PARN: variants seen among roughly 807,000 people sequenced by gnomAD.
PARN encodes the protein poly(A)-specific ribonuclease, also known as poly(A)-specific ribonuclease PARN.
A neutral mutation model predicts 102.8 loss-of-function variants in PARN; 71 were observed. The ratio of observed to expected loss-of-function variants is 0.69; its 90% confidence interval spans 0.57 to 0.84. PARN has a LOEUF of 0.84. Among genes scored for constraint, PARN ranks in the 40% least tolerant of loss-of-function variants. The pLI is 0.00. For synonymous variants in PARN, 261 were observed against 252.9 expected (o/e 1.03, Z -0.30); for missense variants, 782 against 760.9 (o/e 1.03, Z -0.33).
intron 21 of PARN, among the ~76,000 whole-genome samples, chr16:14,540,524 T>C (rs1465779813): frequency 6.6e-6 from 1 of 152,210 alleles, no homozygotes. Context: ...CTTGAGTCAC[T>C]TTTAATCAGT....
chr16:14,486,108 A>G (rs916966608), intron 21 of PARN, among the ~76,000 whole-genome samples: 8 of 151,800 alleles, frequency 5.3e-5, no homozygotes, highest in African/African-American at 1.9e-4. Flanking sequence ...CAGTCCCAGC[A>G]CTCTGGGAGG....
At position 14,580,920 on chromosome 16, in the gene PARN, T is replaced by G. The variant is rs1205344643; in HGVS notation, c.1216A>C (p.Ile406Leu). Residue 406 changes from isoleucine (I) to leucine (L), a missense_variant, in exon 18 of 24, where the codon ATT becomes CTT. Ile to Leu is a conservative substitution (Grantham distance 5). Transcript: ENST00000437198. ...YLGSFLSPPK[I>L]HVSARSKLIE... ...AGTTTTGATCTGGCAGACACATGAATTTTTGGAGGGCTGAGAAAAGAACCT... is the reference window on the plus strand; with the variant it reads ...AGTTTTGATCTGGCAGACACATGAAGTTTTGGAGGGCTGAGAAAAGAACCT... 3 of 1,608,634 alleles carry G rather than the reference T, an allele frequency of 1.9e-6. No homozygotes were observed. Among genetic ancestry groups the G allele is most frequent in the Admixed American group, 3.3e-5 (2 of 60,012 alleles).
intron 21 of PARN, among the ~76,000 whole-genome samples, chr16:14,490,808 GT>G (rs1964017253): frequency 6.6e-6 from 1 of 152,082 alleles, no homozygotes; most frequent in Non-Finnish European, 1.5e-5. Flanking sequence ...ATTCCATAAA[GT>G]TTGATCAAGT....
At chr16:14,454,133 A>G (rs1166847962) in intron 22 of PARN, among the ~76,000 whole-genome samples, 1 of 152,204 alleles carries the variant, frequency 6.6e-6, no homozygotes, top group African/African-American at 2.4e-5. Flanking sequence ...AGTACATATG[A>G]TCATGATACA....
intron 11 of PARN, among the ~76,000 whole-genome samples, chr16:14,600,297 G>T (rs867079455): frequency 6.6e-6 from 1 of 152,188 alleles, no homozygotes; most frequent in Non-Finnish European, 1.5e-5. Context: ...GTTGCCACCT[G>T]CAGGCTAAAC....
At chr16:14,477,895 T>C (rs1237707039) in intron 22 of PARN, among the ~76,000 whole-genome samples, 2 of 152,138 alleles carry the variant, frequency 1.3e-5, no homozygotes, top group Non-Finnish European at 2.9e-5. Flanking sequence ...GCAAAAAATA[T>C]TTAACACAAT....
intron 22 of PARN, among the ~76,000 whole-genome samples, chr16:14,452,873 A>G (rs1961523546): frequency 6.6e-6 from 1 of 152,240 alleles, no homozygotes; most frequent in African/African-American, 2.4e-5. Flanking sequence ...GTTTTAAATA[A>G]AAGTTTTAAT....
chr16:14,547,085 C>A (rs1318889810), intron 21 of PARN, among the ~76,000 whole-genome samples: 18 of 149,742 alleles, frequency 1.2e-4, no homozygotes, highest in Non-Finnish European at 1.9e-4. Flanking sequence ...AGAGAGAGAC[C>A]CTGTCTCAAA....
Position 14,609,081 on chromosome 16 carries a change from G to A in PARN, c.597C>T (p.Asn199=), listed in dbSNP as rs748131771. ...EDLLQSEENK[N]LDLEPCTGFQ... ...ACCCGGTACATGGCTCTAAATCCAA[G>A]TTCTTGTTTTCTTCACTTTGTAATA... The change falls in exon 8 of 24, where the codon AAC becomes AAT. Residue 199 remains asparagine (N), a synonymous_variant. Transcript: ENST00000437198. 1.3e-6 allele frequency: 2 copies of A among 1,579,068 alleles called. No individual in the cohort carries two copies. The highest frequency in any genetic ancestry group is 1.7e-6 in the Non-Finnish European group (2 of 1,153,622).
intron 21 of PARN, chr16:14,501,435 C>CCAAAAAA (rs1964593234): frequency 3.6e-5 from 1 of 27,592 alleles, no homozygotes; most frequent in Non-Finnish European, 8.2e-5. Context: ...CAAGACTGTC[C>CCAAAAAA]AAAAAAAAAA....
At chr16:14,573,756 G>A (rs1239063542) in intron 18 of PARN, among the ~76,000 whole-genome samples, 2 of 152,154 alleles carry the variant, frequency 1.3e-5, no homozygotes, top group Non-Finnish European at 2.9e-5. Context: ...TTTTAAAAAC[G>A]GGAGGTTCCC....
intron 18 of PARN, among the ~76,000 whole-genome samples, chr16:14,574,649 G>A (rs925725830): frequency 1.3e-5 from 2 of 152,116 alleles, no homozygotes; most frequent in Non-Finnish European, 2.9e-5. Flanking sequence ...TGAGGCAGAG[G>A]TTGCAGTGAG....
chr16:14,455,038 C>T (rs1430471991), intron 22 of PARN, among the ~76,000 whole-genome samples: 1 of 152,176 alleles, frequency 6.6e-6, no homozygotes, highest in Non-Finnish European at 1.5e-5. Context: ...AACACAGTAG[C>T]ACCAAATGAA....
At chr16:14,476,641 G>A (rs1293867807) in intron 22 of PARN, among the ~76,000 whole-genome samples, 1 of 152,070 alleles carries the variant, frequency 6.6e-6, no homozygotes, top group Non-Finnish European at 1.5e-5. Context: ...ACCAGCCTGG[G>A]TAACATAGCG....
chr16:14,455,432 C>T (rs1455101528), intron 22 of PARN, among the ~76,000 whole-genome samples: 26 of 152,196 alleles, frequency 1.7e-4, no homozygotes, highest in Non-Finnish European at 8.8e-5. Context: ...CTTCTCTTTA[C>T]ATTTCTCCTG....
intron 18 of PARN, among the ~76,000 whole-genome samples, chr16:14,568,348 G>C (rs1294791724): frequency 1.3e-5 from 2 of 151,260 alleles, no homozygotes; most frequent in African/African-American, 4.9e-5. Flanking sequence ...GAGTAGCTGG[G>C]ACTACAGGTA....
chr16:14,526,807 G>C (rs1966036674), intron 21 of PARN, among the ~76,000 whole-genome samples: 1 of 152,216 alleles, frequency 6.6e-6, no homozygotes, highest in African/African-American at 2.4e-5. Context: ...TTAAAGTTGG[G>C]CCAGGAGTGG....
In PARN at chr16:14,604,175, T is replaced by C; in HGVS notation, c.754A>G (p.Arg252Gly). The change falls in exon 11 of 24, where the codon AGA (arginine) becomes GGA (glycine). Residue 252 changes from arginine (R) to glycine (G), a missense_variant. Arg to Gly is a moderately radical substitution (Grantham distance 125, BLOSUM62 -2). Coordinates refer to ENST00000437198, the MANE Select transcript of PARN (RefSeq NM_002582.4). ...TCTTTGGCATGTTTCTGCTGCTCTC[T>C]TCTTTTGCGTTCTTCTTCATCTACT... ...SKVDEEERKR[R>G]EQQKHAKEQE... is the part of the protein sequence containing the mutation. 6.2e-7 allele frequency: 1 copy of C among 1,601,788 alleles called. No individual in the cohort carries two copies. Among genetic ancestry groups the C allele is most frequent in the Non-Finnish European group, 8.5e-7 (1 of 1,172,572 alleles).
chr16:14,460,126 C>T lies in PARN; in HGVS notation c.1671-13045G>A, dbSNP rs192141823. 4.9e-3 allele frequency among the ~76,000 whole-genome samples: 743 copies of T among 152,186 alleles called. 4 individuals carry two copies. Among genetic ancestry groups the T allele is most frequent in the Admixed American group, 6.8e-3 (104 of 15,284 alleles). On this transcript the variant is annotated intron_variant, in intron 22 of 23. Transcript: ENST00000437198. Reference sequence around the variant, plus strand: ...TAAGCCATAAAGGAACTGAATCAGCCTCAGAGAAAAGACATATTAATTATA... The same window carrying T: ...TAAGCCATAAAGGAACTGAATCAGCTTCAGAGAAAAGACATATTAATTATA...
Sources: allele counts gnomAD v4.1 joint callset (sites outside exome capture counted in the v4.1 genomes callset), GRCh38; gene constraint gnomAD v4.1.1; transcripts MANE v1.5; gene names NCBI Gene and HGNC (gene_info 2026-07-23, HGNC 2026-07-21).